The following SLC25A26 variants were observed in gnomAD, a reference collection of about 807,000 sequenced individuals.
SLC25A26 encodes the protein solute carrier family 25 member 26, also known as mitochondrial S-adenosylmethionine carrier protein.
Under a neutral mutation model 37.8 loss-of-function variants are expected in SLC25A26, and 36 were observed. That is an observed-to-expected ratio of 0.95 (90% CI 0.73 to 1.26). The LOEUF (loss-of-function observed/expected upper bound fraction) is 1.26, where lower values mean the gene tolerates loss of function less well. SLC25A26 is among the 50% of genes most tolerant of loss of function. SLC25A26 has a pLI of 0.00. For synonymous variants in SLC25A26, 129 were observed against 122.5 expected, an observed-to-expected ratio of 1.05 and a Z score of -0.35; for missense variants, 390 against 331.1, an observed-to-expected ratio of 1.18 and a Z score of -1.38.
chr3:66,274,793 A>C (rs545822396), intron 5 of SLC25A26, among the ~76,000 whole-genome samples: 2,526 of 152,176 alleles, frequency 0.017, 41 homozygotes, highest in Non-Finnish European at 0.028. Context: ...ACACTTTTAC[A>C]CTGTTGGTGG....
intron 5 of SLC25A26, among the ~76,000 whole-genome samples, chr3:66,271,127 C>T (rs759340783): frequency 6.6e-5 from 10 of 152,104 alleles, no homozygotes; most frequent in Non-Finnish European, 1.2e-4. Context: ...GACCATAAAC[C>T]ATAGTGTTGA....
chr3:66,254,337 G>A (rs902705832), intron 3 of SLC25A26, among the ~76,000 whole-genome samples: 1 of 152,154 alleles, frequency 6.6e-6, no homozygotes, highest in African/African-American at 2.4e-5. Flanking sequence ...AGAGAATTTT[G>A]GGAATTACAA....
intron 5 of SLC25A26, among the ~76,000 whole-genome samples, chr3:66,272,050 A>G (rs1170766372): frequency 1.3e-5 from 2 of 152,162 alleles, no homozygotes; most frequent in Non-Finnish European, 2.9e-5. Context: ...TGATATATTC[A>G]TATGTAAACA....
At chr3:66,281,089 A>G (rs1483655853) in intron 5 of SLC25A26, among the ~76,000 whole-genome samples, 4 of 152,236 alleles carry the variant, frequency 2.6e-5, no homozygotes, top group Non-Finnish European at 4.4e-5. Context: ...CATGACATAG[A>G]CTTTTGTAGA....
At chr3:66,231,700 G>A (rs1382278280) in intron 1 of SLC25A26, among the ~76,000 whole-genome samples, 1 of 151,410 alleles carries the variant, frequency 6.6e-6, no homozygotes, top group Non-Finnish European at 1.5e-5. Context: ...TTGTTTTATA[G>A]CTAATTTGAT....
At chr3:66,348,031 A>G (rs1234749042) in intron 6 of SLC25A26, among the ~76,000 whole-genome samples, 2 of 152,198 alleles carry the variant, frequency 1.3e-5, no homozygotes, top group South Asian at 2.1e-4. Flanking sequence ...GCTGGGCTTA[A>G]TACTTAGCTG....
At chr3:66,250,639 G>GCGTTTTCAAGTTGAAA (rs2073046856) in intron 3 of SLC25A26, among the ~76,000 whole-genome samples, 1 of 151,450 alleles carries the variant, frequency 6.6e-6, no homozygotes, top group African/African-American at 2.4e-5. Flanking sequence ...GGTATCACAT[G>GCGTTTTCAAGTTGAAA]CGTTTTCAAC....
chr3:66,374,448 G>GT (rs1700523213), intron 9 of SLC25A26, among the ~76,000 whole-genome samples: 1 of 152,202 alleles, frequency 6.6e-6, no homozygotes, highest in South Asian at 2.1e-4. Flanking sequence ...GGTTCGGGCT[G>GT]TGTCTCCAAC....
chr3:66,375,630 A>G (rs1180288895), intron 9 of SLC25A26, among the ~76,000 whole-genome samples: 2 of 152,216 alleles, frequency 1.3e-5, no homozygotes, highest in African/African-American at 2.4e-5. Flanking sequence ...GAGCGACAGC[A>G]CATCTCTTTA....
At chr3:66,179,928 T>C (rs1039866842) in intron 1 of SLC25A26, among the ~76,000 whole-genome samples, 6 of 152,216 alleles carry the variant, frequency 3.9e-5, no homozygotes, top group Non-Finnish European at 8.8e-5. Context: ...CACAAAGCAA[T>C]GCCATGAACA....
intron 1 of SLC25A26, among the ~76,000 whole-genome samples, chr3:66,229,616 C>G (rs1169650250): frequency 2.0e-5 from 3 of 152,178 alleles, no homozygotes; most frequent in African/African-American, 7.2e-5. Context: ...TGAGGTCTCC[C>G]CAGCAGTGCG....
chr3:66,285,085 G>T lies in SLC25A26; in HGVS notation c.453+21706G>T, dbSNP rs147261659. On this transcript the variant is annotated intron_variant, in intron 5 of 9. Coordinates refer to ENST00000354883, the MANE Select transcript of SLC25A26 (RefSeq NM_001379210.1). ...GCCTAGTAGGGGTCTTCTGGTGCTG[G>T]TCATTTCTTTACCTGAGTAAATGTG... 2.0e-4 allele frequency among the ~76,000 whole-genome samples: 30 copies of T among 152,136 alleles called. No individual in the cohort carries two copies. The East Asian group carries it at 5.8e-3, about 29-fold the overall frequency.
chr3:66,239,816 C>CT (rs536690709), intron 2 of SLC25A26, among the ~76,000 whole-genome samples: 33,976 of 109,588 alleles, frequency 0.31, 5,122 homozygotes, highest in African/African-American at 0.33. Context: ...TCCTTTCTTT[C>CT]TTTTTTTTTT....
chr3:66,353,602 C>T (rs1004445132), intron 6 of SLC25A26, among the ~76,000 whole-genome samples: 2 of 152,220 alleles, frequency 1.3e-5, no homozygotes, highest in African/African-American at 2.4e-5. Context: ...ATTTAGTCAG[C>T]TCATTGAAGG....
chr3:66,289,260 C>T (rs975836800), intron 5 of SLC25A26, among the ~76,000 whole-genome samples: 1 of 152,092 alleles, frequency 6.6e-6, no homozygotes, highest in Non-Finnish European at 1.5e-5. Context: ...AAATTTTCTC[C>T]TATTCTGTAG....
At chr3:66,364,939 A>G (rs1314182360) in intron 7 of SLC25A26, among the ~76,000 whole-genome samples, 1 of 152,198 alleles carries the variant, frequency 6.6e-6, no homozygotes, top group East Asian at 1.9e-4. Context: ...ATTTAGCAAA[A>G]GATAAATAGA....
intron 1 of SLC25A26, among the ~76,000 whole-genome samples, chr3:66,170,866 G>C (rs986603272): frequency 1.4e-5 from 2 of 143,472 alleles, no homozygotes; most frequent in Non-Finnish European, 3.0e-5. Context: ...TGCAGTGGCG[G>C]GATCTCGGCT....
chr3:66,376,116 T>C (rs956738161), intron 9 of SLC25A26, among the ~76,000 whole-genome samples: 2 of 150,942 alleles, frequency 1.3e-5, no homozygotes, highest in Admixed American at 6.6e-5. Flanking sequence ...ATGTAAAGAA[T>C]TGCCACAATC....
At chr3:66,320,742 T>C (rs547902792) in intron 5 of SLC25A26, among the ~76,000 whole-genome samples, 1 of 152,304 alleles carries the variant, frequency 6.6e-6, no homozygotes, top group South Asian at 2.1e-4. Context: ...CCACTTGTTA[T>C]TTTGTTTTTT....
Sources: gnomAD v4.1 joint callset for allele counts (sites outside exome capture counted in the v4.1 genomes callset) on GRCh38, gnomAD v4.1.1 for gene constraint, MANE v1.5 for transcripts, NCBI Gene and HGNC (gene_info 2026-07-23, HGNC 2026-07-21) for gene names.